Variants in FAM228B observed in about 807,000 individuals in gnomAD.
FAM228B encodes protein FAM228B.
A neutral mutation model predicts 42.6 loss-of-function variants in FAM228B; 38 were observed. The observed-to-expected ratio is 0.89, with a 90% confidence interval of 0.69 to 1.17. The LOEUF is 1.17. Among genes scored for constraint, FAM228B ranks in the 50% most tolerant of loss-of-function variants. The pLI, the probability that FAM228B is intolerant of heterozygous loss-of-function variation, is 0.00. For synonymous variants in FAM228B, 109 were observed against 122.3 expected (o/e 0.89, Z 0.72); for missense variants, 344 against 367.3 (o/e 0.94, Z 0.52).
intron 7 of FAM228B, 58 bp from the exon 8 acceptor site, chr2:24,161,447 CA>C: frequency 2.9e-6 from 3 of 1,051,472 alleles, no homozygotes; most frequent in Non-Finnish European, 4.2e-6. Flanking sequence ...GATCTTGTCT[CA>C]AAAAACAACA....
chr2:24,143,421 C>T (rs1255012036), intron 5 of FAM228B, among the ~76,000 whole-genome samples: 1 of 152,172 alleles, frequency 6.6e-6, no homozygotes, highest in Non-Finnish European at 1.5e-5. Flanking sequence ...GTTTTGATCT[C>T]CTGACCTCGT....
intron 2 of FAM228B, chr2:24,082,888 C>T (rs959212661): frequency 1.6e-5 from 25 of 1,602,982 alleles, no homozygotes; most frequent in Non-Finnish European, 2.0e-5. Flanking sequence ...TCCTCACCCA[C>T]AAGATGTAAC....
chr2:24,120,089 T>C (rs546769935), upstream of FAM228B, among the ~76,000 whole-genome samples: 42 of 152,118 alleles, frequency 2.8e-4, no homozygotes, highest in Admixed American at 1.1e-3. Flanking sequence ...GCCAACATGG[T>C]GAAACCCCAT....
chr2:24,092,943 C>A (rs1285530098), intron 2 of FAM228B, among the ~76,000 whole-genome samples: 2 of 151,180 alleles, frequency 1.3e-5, no homozygotes, highest in Non-Finnish European at 3.0e-5. Flanking sequence ...CACACACACA[C>A]ACACACACAC....
intron 2 of FAM228B, among the ~76,000 whole-genome samples, chr2:24,094,389 G>A (rs1573733166): frequency 6.6e-6 from 1 of 152,056 alleles, no homozygotes; most frequent in South Asian, 2.1e-4. Context: ...ACATTTTTAA[G>A]TTGATATCTA....
At chr2:24,124,666 A>G (rs180717981) in intron 2 of FAM228B, among the ~76,000 whole-genome samples, 12 of 152,114 alleles carry the variant, frequency 7.9e-5, no homozygotes, top group Admixed American at 5.9e-4. Flanking sequence ...TTGATTATAT[A>G]CCTTTTAAAA....
chr2:24,126,666 A>G (rs1573759888), intron 2 of FAM228B, among the ~76,000 whole-genome samples: 2 of 149,890 alleles, frequency 1.3e-5, no homozygotes, highest in South Asian at 4.2e-4. Flanking sequence ...ACTGGAACGC[A>G]GTGGCGTGAT....
At chr2:24,153,392 C>G (rs1486810706) in intron 7 of FAM228B, among the ~76,000 whole-genome samples, 1 of 152,112 alleles carries the variant, frequency 6.6e-6, no homozygotes, top group Non-Finnish European at 1.5e-5. Flanking sequence ...CCCAAGGGCT[C>G]CTTAGTCAGC....
chr2:24,128,934 T>C (rs567891654), intron 2 of FAM228B, among the ~76,000 whole-genome samples: 69 of 151,156 alleles, frequency 4.6e-4, no homozygotes, highest in South Asian at 6.3e-4. Context: ...TTTTTTTTTT[T>C]CCTCTGGCTG....
chr2:24,084,117 A>G lies in FAM228B; in HGVS notation c.-210+3162A>G, dbSNP rs916643660. ...CGGTGCACGCCTTCACGTCTGGTCA[A>G]TGTCCACTGAGTGCTGTTGAGAGGG... On this transcript the variant is annotated intron_variant, in intron 2 of 10. Coordinates refer to the FAM228B transcript ENST00000613899. The surrounding 1 kb of genome is among the most constrained non-coding windows in gnomAD (Gnocchi z 8.4). The G allele has an allele frequency of 1.2e-5, 19 of 1,532,380 alleles. No homozygotes were observed. Among genetic ancestry groups the G allele is most frequent in the South Asian group, 5.0e-5 (4 of 80,544 alleles). The allele number at this position is 1,532,380 out of a possible 1,614,324, so 94.9% of individuals were successfully genotyped here.
chr2:24,084,526 C>T lies in FAM228B; in HGVS notation c.-210+3571C>T, dbSNP rs1326606545. ...TCTGCCGCGGACCCGGCCTCCGCCC[C>T]GAGCTCCTGCCTGGGAAGTCCTCGG... On this transcript the variant is annotated intron_variant, in intron 2 of 10. Coordinates refer to the FAM228B transcript ENST00000613899. The surrounding 1 kb of genome is among the most constrained non-coding windows in gnomAD (Gnocchi z 8.4). 2.9e-6 allele frequency: 2 copies of T among 678,888 alleles called. No homozygotes were observed. The highest frequency in any genetic ancestry group is 1.9e-5 in the African/African-American group (1 of 52,344). The allele number at this position is 678,888 out of a possible 1,614,324, so 42.1% of individuals were successfully genotyped here.
chr2:24,089,043 T>A (rs1489980553), intron 2 of FAM228B, among the ~76,000 whole-genome samples: 1 of 152,192 alleles, frequency 6.6e-6, no homozygotes, highest in African/African-American at 2.4e-5. Context: ...TAGAAATGTA[T>A]CCAATTATGA....
chr2:24,083,230 ATCCCCTCTT>A, intron 2 of FAM228B: 2 of 1,467,816 alleles, frequency 1.4e-6, no homozygotes, highest in South Asian at 2.9e-5. Flanking sequence ...CCCTTCCAAG[ATCCCCTCTT>A]TTTTTTTTCA....
At chr2:24,091,890 G>A (rs1665398751) in intron 2 of FAM228B, among the ~76,000 whole-genome samples, 1 of 152,108 alleles carries the variant, frequency 6.6e-6, no homozygotes, top group Non-Finnish European at 1.5e-5. Context: ...TGGTGTTAGA[G>A]TGTATGTGGA....
upstream of FAM228B, chr2:24,122,454 C>T (rs79726112): frequency 2.9e-3 from 4,664 of 1,613,972 alleles, 14 homozygotes; most frequent in Middle Eastern, 0.014. Flanking sequence ...AAGCTCCGCT[C>T]CTGGATTTTG....
At chr2:24,087,777 A>ATTTTT (rs34256592) in intron 2 of FAM228B, among the ~76,000 whole-genome samples, 5 of 128,222 alleles carry the variant, frequency 3.9e-5, no homozygotes, top group Admixed American at 8.0e-5. Context: ...CACCAGGGTA[A>ATTTTT]TTTTTTTTTT....
In FAM228B at chr2:24,123,528, G is replaced by A. The variant is rs982284182; in HGVS notation, c.-38G>A. On this transcript the variant is annotated 5_prime_UTR_variant, in exon 1 of 11. Transcript: ENST00000615575. ...AGTGCTCGCGCGGCGCTGCGTCCGG[G>A]AGACGGTGGGCGCCAACATTCGCGC... is the stretch of plus-strand genomic sequence containing the variant. 2 of 152,174 alleles carry A rather than the reference G, an allele frequency of 1.3e-5. No homozygotes were observed. The highest frequency in any genetic ancestry group is 6.5e-5 in the Admixed American group (1 of 15,278). The allele number at this position is 152,174 out of a possible 1,614,324, so 9.4% of individuals were successfully genotyped here. A position where few individuals can be genotyped will look rare whatever the true frequency, so the allele number is the denominator to read the frequency against.
chr2:24,159,693 A>C (rs1046192924), intron 7 of FAM228B, among the ~76,000 whole-genome samples: 1 of 152,212 alleles, frequency 6.6e-6, no homozygotes, highest in Admixed American at 6.5e-5. Flanking sequence ...TTTCCATTTT[A>C]TACCAAATTT....
intron 3 of FAM228B, among the ~76,000 whole-genome samples, chr2:24,098,047 G>A (rs112308256): frequency 4.5e-4 from 69 of 152,198 alleles, no homozygotes; most frequent in African/African-American, 1.5e-3. Flanking sequence ...GATACATAAC[G>A]AAATGAAGGC....
Sources: allele counts gnomAD v4.1 joint callset (sites outside exome capture counted in the v4.1 genomes callset), GRCh38; gene constraint gnomAD v4.1.1; non-coding constraint Gnocchi (gnomAD v3.1); transcripts MANE v1.5; gene names NCBI Gene and HGNC (gene_info 2026-07-23, HGNC 2026-07-21).